Variants in TMCO5A observed in about 807,000 individuals in gnomAD.
TMCO5A encodes the protein transmembrane and coiled-coil domains 5A.
A neutral mutation model predicts 42.3 loss-of-function variants in TMCO5A; 34 were observed. That is an observed-to-expected ratio of 0.80 (90% CI 0.61 to 1.07). The LOEUF is 1.07. TMCO5A is among the 50% of genes least tolerant of loss of function. The pLI, the probability that TMCO5A is intolerant of heterozygous loss-of-function variation, is 0.00. For missense variants in TMCO5A, 357 were observed against 327.9 expected, an observed-to-expected ratio of 1.09 and a Z score of -0.69; for synonymous variants, 131 against 115.6, an observed-to-expected ratio of 1.13 and a Z score of -0.86.
At chr15:38,023,917 G>T in the TMCO5A span, among the ~76,000 whole-genome samples, 9 of 152,186 alleles carry the variant, frequency 5.9e-5, no homozygotes, top group Non-Finnish European at 1.3e-4. Flanking sequence ...GGTTCTGCCA[G>T]ATCACCATTC....
the TMCO5A span, among the ~76,000 whole-genome samples, chr15:38,026,198 C>G: frequency 6.6e-6 from 1 of 152,004 alleles, no homozygotes. Context: ...GAAAGGAAAA[C>G]GTGGGGAAGT....
intron 10 of TMCO5A, among the ~76,000 whole-genome samples, chr15:37,945,045 A>G (rs55908741): frequency 0.11 from 17,343 of 151,894 alleles, 1,249 homozygotes; most frequent in Admixed American, 0.16. Context: ...CCCACTGACA[A>G]GCTCCAGTGT....
downstream of TMCO5A, among the ~76,000 whole-genome samples, chr15:37,969,409 A>G (rs1890631555): frequency 6.6e-6 from 1 of 152,230 alleles, no homozygotes; most frequent in Non-Finnish European, 1.5e-5. Context: ...CAATTATTAG[A>G]GTAGTGCACA....
intron 10 of TMCO5A, 42 bp downstream of exon 10, chr15:37,943,440 G>A: frequency 6.3e-7 from 1 of 1,592,804 alleles, no homozygotes; most frequent in South Asian, 1.1e-5. Flanking sequence ...CAGTGTCATT[G>A]CCTTTCAAAG....
In TMCO5A at chr15:37,937,118, G is replaced by A. The variant is rs1889545780; in HGVS notation, c.264+148G>A. On this transcript the variant is annotated intron_variant, in intron 4 of 11. Coordinates refer to ENST00000319669, the MANE Select transcript of TMCO5A (RefSeq NM_152453.4). ...ATAAAATTTGTCCATGCGTGGAAGG[G>A]GATGTGTCTGGCTTCTTGGGCAATG... 3.1e-6 allele frequency: 4 copies of A among 1,306,316 alleles called. No individual in the cohort carries two copies. In the South Asian group the frequency reaches 4.4e-5, roughly 14 times the overall value. The allele number at this position is 1,306,316 out of a possible 1,614,324, so 80.9% of individuals were successfully genotyped here.
the TMCO5A span, among the ~76,000 whole-genome samples, chr15:38,039,305 A>G: frequency 6.6e-6 from 1 of 152,220 alleles, no homozygotes; most frequent in Admixed American, 6.5e-5. Flanking sequence ...GAAGTGTAAG[A>G]GAAAACGAAT....
intron 11 of TMCO5A, chr15:37,956,731 C>G (rs1890302276): frequency 6.6e-6 from 1 of 152,574 alleles, no homozygotes; most frequent in African/African-American, 2.4e-5. Flanking sequence ...TCCTCCCTAA[C>G]TCATTTTATG....
the TMCO5A span, among the ~76,000 whole-genome samples, chr15:38,026,523 A>T: frequency 1.3e-5 from 2 of 152,230 alleles, no homozygotes; most frequent in Non-Finnish European, 2.9e-5. Flanking sequence ...GCAGAGCATG[A>T]AAGTTTGGAA....
At chr15:37,989,210 C>G in the TMCO5A span, among the ~76,000 whole-genome samples, 1 of 151,676 alleles carries the variant, frequency 6.6e-6, no homozygotes, top group South Asian at 2.1e-4. Context: ...TTTGAGTCTT[C>G]TTTTTCTTAG....
At chr15:37,936,543 C>A in intron 3 of TMCO5A, 80 bp downstream of exon 3, 3 of 1,512,924 alleles carry the variant, frequency 2.0e-6, no homozygotes, top group South Asian at 2.6e-5. Context: ...AATTTTCCTG[C>A]TTGTTCTAGA....
At chr15:37,941,555 AT>A (rs1033064573) in intron 7 of TMCO5A, 115 bp from the exon 8 acceptor site, 178 of 818,470 alleles carry the variant, frequency 2.2e-4, no homozygotes, top group Non-Finnish European at 2.9e-4. Context: ...AAGAAAACAT[AT>A]TTAGAACAAT....
the TMCO5A span, among the ~76,000 whole-genome samples, chr15:37,979,281 C>G: frequency 6.6e-6 from 1 of 151,646 alleles, no homozygotes; most frequent in Non-Finnish European, 1.5e-5. Context: ...TTGCTCCCTC[C>G]CAAGCCTGAG....
At chr15:37,950,078 G>A (rs1448449069) in intron 11 of TMCO5A, among the ~76,000 whole-genome samples, 1 of 152,122 alleles carries the variant, frequency 6.6e-6, no homozygotes, top group Non-Finnish European at 1.5e-5. Flanking sequence ...AGGGTGTGCA[G>A]GAAACTGCAA....
At chr15:37,986,715 A>G in the TMCO5A span, among the ~76,000 whole-genome samples, 2 of 151,966 alleles carry the variant, frequency 1.3e-5, no homozygotes, top group Admixed American at 1.3e-4. Flanking sequence ...TGGTCTTTTC[A>G]TGACTGGTTT....
the TMCO5A span, among the ~76,000 whole-genome samples, chr15:37,986,553 C>G: frequency 1.3e-5 from 2 of 151,886 alleles, no homozygotes; most frequent in African/African-American, 4.8e-5. Flanking sequence ...CCATCCATCT[C>G]CAGAGGTCTT....
chr15:37,989,546 A>G, the TMCO5A span, among the ~76,000 whole-genome samples: 1 of 151,800 alleles, frequency 6.6e-6, no homozygotes, highest in African/African-American at 2.4e-5. Flanking sequence ...TTGTAATTTC[A>G]TCTTGGATAC....
chr15:37,959,524 T>C (rs1465312313), intron 11 of TMCO5A, among the ~76,000 whole-genome samples: 2 of 152,008 alleles, frequency 1.3e-5, no homozygotes, highest in African/African-American at 4.8e-5. Flanking sequence ...GATGCAGGGA[T>C]AGTTCGACAT....
the TMCO5A span, among the ~76,000 whole-genome samples, chr15:38,018,879 A>G: frequency 2.6e-5 from 4 of 152,172 alleles, 1 homozygote; most frequent in Admixed American, 6.5e-5. Flanking sequence ...TTAGATGGGC[A>G]TGGAACTTCT....
chr15:38,008,069 A>G, the TMCO5A span, among the ~76,000 whole-genome samples: 11 of 150,694 alleles, frequency 7.3e-5, no homozygotes, highest in Admixed American at 3.3e-4. Context: ...CTAATTTTTC[A>G]TATTTTTAGT....
Sources: gnomAD v4.1 joint callset for allele counts (sites outside exome capture counted in the v4.1 genomes callset) on GRCh38, gnomAD v4.1.1 for gene constraint, MANE v1.5 for transcripts, NCBI Gene and HGNC (gene_info 2026-07-23, HGNC 2026-07-21) for gene names.